The following PARD3 variants were observed in gnomAD, a reference collection of about 807,000 sequenced individuals.
PARD3 encodes the protein partitioning defective 3 homolog.
In PARD3, 75 loss-of-function variants were observed where a neutral mutation model predicts 155.4. The ratio of observed to expected loss-of-function variants is 0.48; its 90% CI spans 0.40 to 0.58. PARD3 has a LOEUF of 0.58. Ranked by LOEUF, PARD3 falls within the 20% of genes least tolerant of loss-of-function variation. The pLI is 0.00. For missense variants in PARD3, 1,642 were observed against 1,721.7 expected (o/e 0.95, Z 0.82); for synonymous variants, 576 against 610.5 (o/e 0.94, Z 0.83).
chr10:34,147,911 T>G (rs1004928123), intron 22 of PARD3, among the ~76,000 whole-genome samples: 10 of 152,052 alleles, frequency 6.6e-5, no homozygotes, highest in Non-Finnish European at 1.2e-4. Flanking sequence ...AGCTTCTACC[T>G]GAGGACAGAG....
intron 2 of PARD3, among the ~76,000 whole-genome samples, chr10:34,620,434 A>C (rs2091584881): frequency 6.6e-6 from 1 of 152,244 alleles, no homozygotes; most frequent in African/African-American, 2.4e-5. Context: ...AAAACATTTC[A>C]CAAAACCTTA....
intron 2 of PARD3, among the ~76,000 whole-genome samples, chr10:34,677,585 C>T (rs2093732628): frequency 6.6e-6 from 1 of 151,960 alleles, no homozygotes; most frequent in Non-Finnish European, 1.5e-5. Context: ...TTCTATAAAC[C>T]ATTAAGAGAT....
At chr10:34,709,937 A>G (rs1238158631) in intron 1 of PARD3, among the ~76,000 whole-genome samples, 8 of 152,132 alleles carry the variant, frequency 5.3e-5, no homozygotes, top group Non-Finnish European at 1.2e-4. Flanking sequence ...AGGGTTCATG[A>G]GAATACAGGA....
intron 4 of PARD3, among the ~76,000 whole-genome samples, chr10:34,456,115 C>T (rs184663169): frequency 6.1e-4 from 93 of 152,242 alleles, no homozygotes; most frequent in African/African-American, 2.2e-3. Context: ...ACTCAAACAT[C>T]CATACATTTT....
intron 2 of PARD3, among the ~76,000 whole-genome samples, chr10:34,595,288 T>C (rs1325774274): frequency 6.6e-6 from 1 of 152,212 alleles, no homozygotes; most frequent in Non-Finnish European, 1.5e-5. Context: ...CAAAGATTCA[T>C]GAACTGAAAC....
chr10:34,757,563 T>C (rs908588979), intron 1 of PARD3, among the ~76,000 whole-genome samples: 2 of 151,920 alleles, frequency 1.3e-5, no homozygotes, highest in South Asian at 4.2e-4. Flanking sequence ...ACAAAAAAAT[T>C]AGCCAGGCAC....
chr10:34,131,364 T>C (rs1947601340), intron 23 of PARD3, 99 bp downstream of exon 23: 2 of 1,367,288 alleles, frequency 1.5e-6, no homozygotes, highest in African/African-American at 1.4e-5. Context: ...TTTGGCTCCA[T>C]CTTGTCTCGT....
chr10:34,140,689 C>A (rs867255556), intron 22 of PARD3, among the ~76,000 whole-genome samples: 1 of 152,126 alleles, frequency 6.6e-6, no homozygotes, highest in African/African-American at 2.4e-5. Flanking sequence ...AGCTCCTCTG[C>A]GCAAGCTTCA....
intron 2 of PARD3, among the ~76,000 whole-genome samples, chr10:34,605,415 G>A (rs1725854575): frequency 6.8e-6 from 1 of 147,298 alleles, no homozygotes. Context: ...GGATGGTCTC[G>A]ATCTCCTGAC....
At chr10:34,219,632 T>G (rs1297810412) in intron 22 of PARD3, among the ~76,000 whole-genome samples, 1 of 152,182 alleles carries the variant, frequency 6.6e-6, no homozygotes, top group East Asian at 1.9e-4. Context: ...AGTTTGCAGG[T>G]GTTTCGAAGT....
rs554814665 is a variant in PARD3, at chr10:34,174,158, C to T, written c.3420-42575G>A. Among the ~76,000 whole-genome samples the T allele has an allele frequency of 1.1e-4, 17 of 152,256 alleles. No individual in the cohort carries two copies. The East Asian group carries it at 3.3e-3, about 29-fold the overall frequency. ...AAAATGTACTTCAGCATACACGTGGCCAACTAGAAACACACTTAGGTGCTC... is the reference window on the plus strand; with the variant it reads ...AAAATGTACTTCAGCATACACGTGGTCAACTAGAAACACACTTAGGTGCTC... On this transcript the variant is annotated intron_variant, in intron 22 of 24. Transcript: ENST00000374788.
At position 34,470,207 on chromosome 10, in the gene PARD3, A is replaced by C; in HGVS notation, c.460T>G (p.Ser154Ala). 6.2e-7 allele frequency: 1 copy of C among 1,613,222 alleles called. No homozygotes were observed. Among genetic ancestry groups the C allele is most frequent in the Non-Finnish European group, 8.5e-7 (1 of 1,179,572 alleles). ...SDPALIGLST[S>A]VSDSNFSSEE... ...GAGGAAAAATTACTATCACTGACAGAAGTGGAGAGGCCAATTAGAGCTGGG... is the reference window on the plus strand; with the variant it reads ...GAGGAAAAATTACTATCACTGACAGCAGTGGAGAGGCCAATTAGAGCTGGG... The change falls in exon 4 of 25, where the codon TCT becomes GCT. Residue 154 changes from serine (S) to alanine (A), a missense_variant. Physicochemically the swap from Ser to Ala is moderately conservative, Grantham distance 99 (BLOSUM62 1). Coordinates refer to ENST00000374788, the MANE Select transcript of PARD3 (RefSeq NM_001184785.2).
intron 23 of PARD3, among the ~76,000 whole-genome samples, chr10:34,125,005 C>T (rs1258985623): frequency 1.3e-5 from 2 of 151,822 alleles, no homozygotes; most frequent in Non-Finnish European, 2.9e-5. Flanking sequence ...TGCGACAGTA[C>T]AGAGGCTCTC....
chr10:34,315,542 C>T (rs750681040), intron 20 of PARD3, among the ~76,000 whole-genome samples: 1 of 152,106 alleles, frequency 6.6e-6, no homozygotes, highest in Non-Finnish European at 1.5e-5. Flanking sequence ...AAGGTTTCTC[C>T]CATCTCTAAC....
chr10:34,205,644 G>T (rs1003712456), intron 22 of PARD3, among the ~76,000 whole-genome samples: 2 of 152,178 alleles, frequency 1.3e-5, no homozygotes, highest in African/African-American at 4.8e-5. Context: ...GTGAAGCGAT[G>T]TGTGTGGTGA....
chr10:34,613,289 C>A (rs2091036819), intron 2 of PARD3, among the ~76,000 whole-genome samples: 1 of 152,180 alleles, frequency 6.6e-6, no homozygotes, highest in Non-Finnish European at 1.5e-5. Context: ...ACACTGACCA[C>A]CTGCTTTCTT....
chr10:34,807,877 T>C (rs1464331502), intron 1 of PARD3, among the ~76,000 whole-genome samples: 2 of 152,116 alleles, frequency 1.3e-5, no homozygotes, highest in African/African-American at 4.8e-5. Context: ...ACAAAAGTAA[T>C]ATTTAAATGG....
chr10:34,389,542 G>C (rs2132070151), intron 7 of PARD3, among the ~76,000 whole-genome samples: 1 of 152,310 alleles, frequency 6.6e-6, no homozygotes, highest in African/African-American at 2.4e-5. Context: ...GAGTAAGTCT[G>C]AGTTTTGCGT....
intron 3 of PARD3, among the ~76,000 whole-genome samples, chr10:34,501,748 A>C (rs2080724977): frequency 6.6e-6 from 1 of 152,122 alleles, no homozygotes; most frequent in African/African-American, 2.4e-5. Context: ...AAAAAAAAAA[A>C]GATGTCTACA....
Sources: gnomAD v4.1 joint callset for allele counts (sites outside exome capture counted in the v4.1 genomes callset) on GRCh38, gnomAD v4.1.1 for gene constraint, MANE v1.5 for transcripts, NCBI Gene and HGNC (gene_info 2026-07-23, HGNC 2026-07-21) for gene names.